Variants in POU2F2 observed in about 807,000 individuals in gnomAD.
The protein encoded by POU2F2 is POU domain, class 2, transcription factor 2.
In POU2F2, 14 loss-of-function variants were observed where a neutral mutation model predicts 63.5. The ratio of observed to expected loss-of-function variants is 0.22; its 90% CI spans 0.15 to 0.34. POU2F2 has a LOEUF of 0.34. POU2F2 is among the 10% of genes least tolerant of loss of function. The pLI is 1.00. For missense variants in POU2F2, 607 were observed against 815.2 expected (o/e 0.74, Z 3.11); for synonymous variants, 306 against 348.6 (o/e 0.88, Z 1.36).
At chr19:42,127,824 C>T (rs2033348328) in intron 1 of POU2F2, among the ~76,000 whole-genome samples, 1 of 152,020 alleles carries the variant, frequency 6.6e-6, no homozygotes, top group Non-Finnish European at 1.5e-5. Context: ...TATGTCTCCC[C>T]TATCAGACTA....
chr19:42,119,611 G>T (rs957282318), intron 4 of POU2F2, among the ~76,000 whole-genome samples: 3 of 152,196 alleles, frequency 2.0e-5, no homozygotes, highest in African/African-American at 7.2e-5. Context: ...AGGTGGAGGT[G>T]CAGTGAGCCA....
chr19:42,120,571 G>A (rs1389800888), intron 4 of POU2F2, among the ~76,000 whole-genome samples: 1 of 152,044 alleles, frequency 6.6e-6, no homozygotes, highest in Non-Finnish European at 1.5e-5. Context: ...TTTTTAACAG[G>A]CCTCTGAGGT....
At chr19:42,164,547 G>A (rs977275199) in intron 1 of POU2F2, among the ~76,000 whole-genome samples, 1 of 151,596 alleles carries the variant, frequency 6.6e-6, no homozygotes, top group Non-Finnish European at 1.5e-5. Context: ...CTTCAGCTCA[G>A]GTGACAGTGC....
intron 5 of POU2F2, among the ~76,000 whole-genome samples, chr19:42,100,686 G>C (rs1279849222): frequency 6.6e-6 from 1 of 151,822 alleles, no homozygotes; most frequent in Non-Finnish European, 1.5e-5. Flanking sequence ...AGGAGGCATA[G>C]GTTGCAGTGA....
rs2076737402 is a variant in POU2F2, at chr19:42,092,062, C to T, written c.1466+7G>A. 1.9e-6 allele frequency: 3 copies of T among 1,594,800 alleles called. No individual in the cohort carries two copies. The African/African-American group carries it at 4.0e-5, about 21-fold the overall frequency. ...CTCCCCACAGCTTCCCACGTGCACC[C>T]ACTTACCCCGTGCTGGGGTTCAGGC... is the stretch of plus-strand genomic sequence containing the variant. On this transcript the variant is annotated splice_region_variant and intron_variant, in intron 13 of 14. Transcript: ENST00000692977. This position sits in a 1 kb window ranked among gnomAD's most constrained non-coding sequence, Gnocchi z 5.0.
chr19:42,097,703 G>C (rs1240867360), intron 7 of POU2F2, among the ~76,000 whole-genome samples: 1 of 152,110 alleles, frequency 6.6e-6, no homozygotes, highest in Non-Finnish European at 1.5e-5. Flanking sequence ...CAGCAACTCA[G>C]GAGGGCTGGG....
intron 1 of POU2F2, among the ~76,000 whole-genome samples, chr19:42,166,945 T>C (rs1163469438): frequency 6.6e-6 from 1 of 151,968 alleles, no homozygotes; most frequent in African/African-American, 2.4e-5. Context: ...GGCAAGTAGG[T>C]GACAGGGGAT....
At chr19:42,097,276 T>C (rs2076957281) in intron 7 of POU2F2, among the ~76,000 whole-genome samples, 1 of 145,228 alleles carries the variant, frequency 6.9e-6, no homozygotes, top group African/African-American at 2.5e-5. Flanking sequence ...TGGCTCACCA[T>C]AACCTCTGCC....
At chr19:42,170,885 C>T (rs929248002) in intron 1 of POU2F2, among the ~76,000 whole-genome samples, 4 of 152,244 alleles carry the variant, frequency 2.6e-5, no homozygotes, top group East Asian at 1.9e-4. Flanking sequence ...CAGCCAAATG[C>T]GCCATCATTT....
chr19:42,087,244 C>G lies in POU2F2; in HGVS notation c.*4013G>C, dbSNP rs62119600. On this transcript the variant is annotated 3_prime_UTR_variant, in exon 15 of 15. Transcript: ENST00000692977. ...TCCCACTCAGAGACCAGTGGGGGCC[C>G]GCGTGTCTCAATCTTGCTGTCTGTC... is the stretch of plus-strand genomic sequence containing the variant. 1 of 151,334 alleles carries G rather than the reference C, an allele frequency of 6.6e-6. No homozygotes were observed. Among genetic ancestry groups the G allele is most frequent in the Admixed American group, 6.6e-5 (1 of 15,182 alleles). The allele number at this position is 151,334 out of a possible 1,614,324, so 9.4% of individuals were successfully genotyped here.
chr19:42,116,940 G>A (rs780501722), intron 5 of POU2F2: 11 of 572,776 alleles, frequency 1.9e-5, no homozygotes, highest in Admixed American at 4.5e-5. Context: ...GCACGGCGGC[G>A]GCCAGGAGCT....
rs1361644041 is a variant in POU2F2, at chr19:42,096,102, T to C, written c.709A>G (p.Ile237Val). 6.2e-7 allele frequency: 1 copy of C among 1,613,770 alleles called. No individual in the cohort carries two copies. Among genetic ancestry groups the C allele is most frequent in the East Asian group, 2.2e-5 (1 of 44,874 alleles). The change falls in exon 8 of 15, where the codon ATC (isoleucine) becomes GTC (valine). Residue 237 changes from isoleucine to valine, a missense_variant. Transcript: ENST00000692977. The surrounding 1 kb of genome is among the most constrained non-coding windows in gnomAD (Gnocchi z 4.1). ...QFARTFKQRR[I>V]KLGFTQGDVG... ...CAGACCTGCGTGAAGCCCAGCTTGA[T>C]GCGGCGTTGCTTGAAGGTGCGGGCG...
In POU2F2 at chr19:42,088,384, TCTC is replaced by T. The variant is rs2076613725; in HGVS notation, c.*2870_*2872del. The T allele has an allele frequency of 6.6e-6, 1 of 151,946 alleles. No individual in the cohort carries two copies. Among genetic ancestry groups the T allele is most frequent in the Admixed American group, 6.6e-5 (1 of 15,258 alleles). The allele number at this position is 151,946 out of a possible 1,614,324, so 9.4% of individuals were successfully genotyped here. ...CCCCATCCCTGCCCCCTGCTCCTCC[TCTC>T]CTCTTTACCCCACTCCCACATACTG... On this transcript the variant is annotated 3_prime_UTR_variant, in exon 15 of 15. Coordinates refer to ENST00000692977, the MANE Select transcript of POU2F2 (RefSeq NM_001394376.1).
At chr19:42,114,588 G>T (rs1037260693) in intron 5 of POU2F2, among the ~76,000 whole-genome samples, 2 of 152,214 alleles carry the variant, frequency 1.3e-5, no homozygotes. Context: ...GGTGGCCGGG[G>T]TGGGAGGGGC....
At chr19:42,093,948 G>C (rs371655346) in intron 11 of POU2F2, 53 bp from the exon 12 acceptor site, 1 of 1,522,600 alleles carries the variant, frequency 6.6e-7, no homozygotes, top group Admixed American at 1.7e-5. Flanking sequence ...AGCAGCCCCC[G>C]TGATGCTCCC....
In POU2F2 at chr19:42,161,194, A is replaced by G. The variant is rs572492910; in HGVS notation, c.-69-802T>C. Reference sequence around the variant, plus strand: ...CACCCAAGCCAAACCTGGAAGACAAATTTTAATCAGAGAAAGAACCAGGTG... The same window carrying G: ...CACCCAAGCCAAACCTGGAAGACAAGTTTTAATCAGAGAAAGAACCAGGTG... On this transcript the variant is annotated intron_variant, in intron 1 of 6. Transcript: ENST00000524801. 6.6e-5 allele frequency among the ~76,000 whole-genome samples: 10 copies of G among 152,246 alleles called. No individual in the cohort carries two copies. The South Asian group carries it at 2.1e-3, about 32-fold the overall frequency.
intron 2 of POU2F2, among the ~76,000 whole-genome samples, chr19:42,146,149 T>C (rs538103094): frequency 6.6e-6 from 1 of 152,054 alleles, no homozygotes; most frequent in Non-Finnish European, 1.5e-5. Context: ...CTCAATACTC[T>C]ACAAAAAAGC....
Position 42,092,952 on chromosome 19 carries a change from TATATATATTATGC to T in POU2F2, c.1265-695_1265-683del, listed in dbSNP as rs947969687. Among the ~76,000 whole-genome samples the T allele has an allele frequency of 3.0e-4, 44 of 149,044 alleles. No individual in the cohort carries two copies. Among genetic ancestry groups the T allele is most frequent in the African/African-American group, 1.1e-3 (44 of 40,748 alleles). On this transcript the variant is annotated intron_variant, in intron 12 of 14. Transcript: ENST00000692977. The surrounding 1 kb of genome is among the most constrained non-coding windows in gnomAD (Gnocchi z 5.0). Reference sequence around the variant, plus strand: ...GTTTTATGTGTATATATATTATGTGTATATATATTATGCATATATATATTATGTGTGTGTGTAT... The same window carrying T: ...GTTTTATGTGTATATATATTATGTGTATATATATATTATGTGTGTGTGTAT...
At chr19:42,126,567 CA>C (rs1249853945) in intron 1 of POU2F2, among the ~76,000 whole-genome samples, 2 of 152,130 alleles carry the variant, frequency 1.3e-5, no homozygotes, top group African/African-American at 4.8e-5. Context: ...TGGAAGAGAC[CA>C]ACCCTGCTGA....
Sources: gnomAD v4.1 joint callset for allele counts (sites outside exome capture counted in the v4.1 genomes callset) on GRCh38, gnomAD v4.1.1 for gene constraint, Gnocchi (gnomAD v3.1) non-coding constraint, MANE v1.5 for transcripts, NCBI Gene and HGNC (gene_info 2026-07-23, HGNC 2026-07-21) for gene names.